PSD3: variants seen among roughly 807,000 people sequenced by gnomAD.
The protein encoded by PSD3 is pleckstrin and Sec7 domain containing 3.
A neutral mutation model predicts 105.5 loss-of-function variants in PSD3; 49 were observed. The ratio of observed to expected loss-of-function variants is 0.46; its 90% confidence interval spans 0.37 to 0.59. The LOEUF is 0.59. PSD3 is among the 20% of genes least tolerant of loss of function. PSD3 has a pLI of 0.00. For synonymous variants in PSD3, 557 were observed against 457.8 expected (o/e 1.22, Z -2.77); for missense variants, 1,561 against 1,263.8 (o/e 1.24, Z -3.57).
chr8:18,636,359 T>C (rs1054572504), intron 10 of PSD3, among the ~76,000 whole-genome samples: 2 of 152,214 alleles, frequency 1.3e-5, no homozygotes, highest in Non-Finnish European at 2.9e-5. Flanking sequence ...AATGTTTTTG[T>C]ACAGCTGTAT....
chr8:18,984,769 T>C (rs1439242768), intron 1 of PSD3, among the ~76,000 whole-genome samples: 1 of 152,216 alleles, frequency 6.6e-6, no homozygotes, highest in Non-Finnish European at 1.5e-5. Context: ...AAAAAGATCA[T>C]ACTTCTGCCA....
In PSD3 at chr8:18,563,732, A is replaced by G. The variant is rs540273311; in HGVS notation, c.2785-7380T>C. 7.2e-5 allele frequency among the ~76,000 whole-genome samples: 11 copies of G among 152,324 alleles called. 1 individual carries two copies. In the East Asian group the frequency reaches 1.3e-3, roughly 19 times the overall value. On this transcript the variant is annotated intron_variant, in intron 14 of 15. Transcript: ENST00000327040. ...GAAATGAATTTTTAAAAATCTATCC[A>G]TTCAGGAAAAGTATGGGTAACAATT...
intron 12 of PSD3, among the ~76,000 whole-genome samples, chr8:18,579,787 TCAATTTAAAAAG>T (rs1246464514): frequency 1.3e-5 from 2 of 152,168 alleles, no homozygotes; most frequent in African/African-American, 2.4e-5. Context: ...AAAATTCTTA[TCAATTTAAAAAG>T]CATATTAAAG....
At chr8:18,619,799 C>T (rs1805972280) in intron 11 of PSD3, among the ~76,000 whole-genome samples, 1 of 152,158 alleles carries the variant, frequency 6.6e-6, no homozygotes, top group Non-Finnish European at 1.5e-5. Context: ...TGACAGCAGA[C>T]CCTGAAAGCA....
At position 18,767,476 on chromosome 8, in the gene PSD3, G is replaced by A. The variant is rs1244549261; in HGVS notation, c.2083-1938C>T. On this transcript the variant is annotated intron_variant, in intron 8 of 15. Coordinates refer to ENST00000327040, the MANE Select transcript of PSD3 (RefSeq NM_015310.4). ...TCGTAATATACCTGTGACCGGGCAC[G>A]GTGGCTCAAGCCTGTAATCCCAGCA... 2.6e-5 allele frequency among the ~76,000 whole-genome samples: 4 copies of A among 152,176 alleles called. No individual in the cohort carries two copies. In the East Asian group the frequency reaches 5.8e-4, roughly 22 times the overall value.
At chr8:18,720,006 G>C (rs771304749) in intron 9 of PSD3, among the ~76,000 whole-genome samples, 5 of 152,204 alleles carry the variant, frequency 3.3e-5, no homozygotes, top group Non-Finnish European at 5.9e-5. Flanking sequence ...AGATACGTAA[G>C]TTTTCTTGCC....
chr8:18,758,176 T>G (rs781119099), intron 9 of PSD3, among the ~76,000 whole-genome samples: 23 of 152,168 alleles, frequency 1.5e-4, no homozygotes, highest in Non-Finnish European at 3.2e-4. Context: ...CTAGTCTTAT[T>G]CTGATGTCTC....
intron 9 of PSD3, among the ~76,000 whole-genome samples, chr8:18,682,368 T>C (rs1262130009): frequency 2.0e-5 from 3 of 152,216 alleles, no homozygotes; most frequent in African/African-American, 7.2e-5. Context: ...GAGAATTACA[T>C]ACATGCTCAC....
At position 18,762,973 on chromosome 8, in the gene PSD3, C is replaced by A. The variant is rs1036204787; in HGVS notation, c.2172+2476G>T. On this transcript the variant is annotated intron_variant, in intron 9 of 15. Transcript: ENST00000327040. ...CCAATATTTCTCAGTAGTCTGTGAT[C>A]TCTGAGGACAGGTGCCCATTTGGTT... is the stretch of plus-strand genomic sequence containing the variant. The A allele has an allele frequency of 3.2e-6, 4 of 1,256,362 alleles. No homozygotes were observed. The East Asian group carries it at 2.2e-4, about 70-fold the overall frequency. The allele number at this position is 1,256,362 out of a possible 1,614,324, so 77.8% of individuals were successfully genotyped here.
In PSD3 at chr8:18,555,223, T is replaced by C. The variant is rs1229994463; in HGVS notation, c.2928+986A>G. Among the ~76,000 whole-genome samples, 4 of 151,962 alleles carry C rather than the reference T, an allele frequency of 2.6e-5. No homozygotes were observed. In the South Asian group the frequency reaches 6.2e-4, roughly 24 times the overall value. ...CAGGGCTCAGCAGAGGAAGTAGTTATAAAGCAATACAAGGAAGGGACAGGT... is the reference window on the plus strand; with the variant it reads ...CAGGGCTCAGCAGAGGAAGTAGTTACAAAGCAATACAAGGAAGGGACAGGT... On this transcript the variant is annotated intron_variant, in intron 15 of 15. Transcript: ENST00000327040.
intron 4 of PSD3, among the ~76,000 whole-genome samples, chr8:18,822,188 A>T (rs1459168188): frequency 6.6e-6 from 1 of 152,158 alleles, no homozygotes; most frequent in African/African-American, 2.4e-5. Flanking sequence ...AGATTTACAC[A>T]ATAAGGTTTT....
At chr8:18,654,332 T>C (rs1320407374) in intron 10 of PSD3, among the ~76,000 whole-genome samples, 1 of 152,160 alleles carries the variant, frequency 6.6e-6, no homozygotes, top group East Asian at 1.9e-4. Flanking sequence ...ATAACAAGTT[T>C]TATCTCCCAA....
chr8:18,932,887 G>A (rs1023593500), intron 2 of PSD3, among the ~76,000 whole-genome samples: 2 of 152,210 alleles, frequency 1.3e-5, no homozygotes, highest in East Asian at 3.8e-4. Flanking sequence ...CAGAATTCTA[G>A]TCATCCTTCA....
intron 1 of PSD3, among the ~76,000 whole-genome samples, chr8:19,067,500 G>A (rs1334232161): frequency 6.6e-6 from 1 of 152,180 alleles, no homozygotes; most frequent in Non-Finnish European, 1.5e-5. Flanking sequence ...AAAAAGTCGG[G>A]ATCATAACTC....
intron 15 of PSD3, among the ~76,000 whole-genome samples, chr8:18,543,929 T>C (rs1469205888): frequency 6.6e-6 from 1 of 152,092 alleles, no homozygotes; most frequent in Non-Finnish European, 1.5e-5. Flanking sequence ...ATGAATACGA[T>C]AGTAACAACC....
rs1586290645 is a variant in PSD3, at chr8:18,872,698, C to T, written c.166G>A (p.Val56Ile). The part of the protein sequence containing the change: ...HGGSTLLPPN[V>I]TNEFPEYGTM... The stretch of plus-strand genomic sequence containing the variant: ...CCATATTCTGGAAATTCATTTGTGA[C>T]ATTTGGTGGGAGTAAAGTGCTTCCT... Residue 56 changes from valine (V) to isoleucine (I), a missense_variant, in exon 3 of 16, where the codon GTC becomes ATC. Val to Ile is a conservative substitution (Grantham distance 29, BLOSUM62 3). Coordinates refer to ENST00000327040, the MANE Select transcript of PSD3 (RefSeq NM_015310.4). 6.3e-7 allele frequency: 1 copy of T among 1,583,468 alleles called. No individual in the cohort carries two copies. Among genetic ancestry groups the T allele is most frequent in the Non-Finnish European group, 8.6e-7 (1 of 1,167,406 alleles).
At chr8:18,582,311 A>T (rs2130421466) in intron 12 of PSD3, among the ~76,000 whole-genome samples, 1 of 152,244 alleles carries the variant, frequency 6.6e-6, no homozygotes, top group Admixed American at 6.5e-5. Flanking sequence ...TGCTGAATTG[A>T]CGTGGCACTC....
intron 10 of PSD3, among the ~76,000 whole-genome samples, chr8:18,636,841 A>G (rs1807291258): frequency 6.6e-6 from 1 of 152,230 alleles, no homozygotes; most frequent in Non-Finnish European, 1.5e-5. Flanking sequence ...ATGTTCACAC[A>G]GTGATGAATT....
intron 4 of PSD3, among the ~76,000 whole-genome samples, chr8:18,842,120 C>T (rs75802758): frequency 0.011 from 1,617 of 152,244 alleles, 30 homozygotes; most frequent in African/African-American, 0.036. Flanking sequence ...GCAAAAAGTA[C>T]CTACTGCTGG....
Sources: allele counts gnomAD v4.1 joint callset (sites outside exome capture counted in the v4.1 genomes callset), GRCh38; gene constraint gnomAD v4.1.1; transcripts MANE v1.5; gene names NCBI Gene and HGNC (gene_info 2026-07-23, HGNC 2026-07-21).